Variants in DLG2 observed in about 807,000 individuals in gnomAD.
DLG2 encodes discs large MAGUK scaffold protein 2, also known as disks large homolog 2.
Under a neutral mutation model 132.5 loss-of-function variants are expected in DLG2, and 45 were observed. The observed-to-expected ratio is 0.34, with a 90% confidence interval of 0.27 to 0.44. The LOEUF (loss-of-function observed/expected upper bound fraction) is 0.44. Ranked by LOEUF, DLG2 falls within the 20% of genes least tolerant of loss-of-function variation. The pLI is 1.00. For synonymous variants in DLG2, 424 were observed against 419.6 expected (o/e 1.01, Z -0.13); for missense variants, 1,045 against 1,196.9 (o/e 0.87, Z 1.87).
chr11:84,126,181 T>C (rs2094162683), intron 9 of DLG2, among the ~76,000 whole-genome samples: 1 of 152,078 alleles, frequency 6.6e-6, no homozygotes, highest in Non-Finnish European at 1.5e-5. Flanking sequence ...GATGAAGAAA[T>C]GGAGGCAGCA....
At chr11:85,396,156 T>G (rs964312382) in intron 3 of DLG2, among the ~76,000 whole-genome samples, 1 of 151,952 alleles carries the variant, frequency 6.6e-6, no homozygotes, top group Non-Finnish European at 1.5e-5. Flanking sequence ...TACAGCAAAC[T>G]CCAACAGACC....
chr11:84,193,003 A>ATTTTATATTCATGGAATAGTGAT lies in DLG2; in HGVS notation c.574-29515_574-29493dup, dbSNP rs1411327451. 9.9e-5 allele frequency among the ~76,000 whole-genome samples: 15 copies of ATTTTATATTCATGGAATAGTGAT among 152,274 alleles called. No individual in the cohort carries two copies. In the East Asian group the frequency reaches 2.9e-3, roughly 29 times the overall value. On this transcript the variant is annotated intron_variant, in intron 8 of 27. Coordinates refer to ENST00000376104, the MANE Select transcript of DLG2 (RefSeq NM_001142699.3). Reference sequence around the variant, plus strand: ...CTTTAAAATTAAAAAAAATTAGTGAATTTTATATTCATGGAATAGTGATTT... The same window carrying ATTTTATATTCATGGAATAGTGAT: ...CTTTAAAATTAAAAAAAATTAGTGAATTTTATATTCATGGAATAGTGATTTTTATATTCATGGAATAGTGATTT...
intron 3 of DLG2, among the ~76,000 whole-genome samples, chr11:85,531,437 T>TCTG (rs1249571873): frequency 3.3e-5 from 5 of 152,242 alleles, no homozygotes; most frequent in Non-Finnish European, 7.3e-5. Flanking sequence ...TGTTTTTATA[T>TCTG]CTGCTTTGTG....
chr11:83,898,802 A>T, intron 15 of DLG2, among the ~76,000 whole-genome samples: 1 of 152,214 alleles, frequency 6.6e-6, no homozygotes, highest in Non-Finnish European at 1.5e-5. Flanking sequence ...TTTATAGACT[A>T]ATAACAAGGT....
chr11:83,993,494 A>C (rs2093840831), intron 11 of DLG2, among the ~76,000 whole-genome samples: 1 of 152,176 alleles, frequency 6.6e-6, no homozygotes, highest in Admixed American at 6.6e-5. Context: ...AATGACAGAC[A>C]CAATTACATT....
intron 12 of DLG2, among the ~76,000 whole-genome samples, chr11:83,970,749 T>A (rs1432717673): frequency 2.6e-5 from 4 of 152,216 alleles, no homozygotes; most frequent in African/African-American, 9.6e-5. Context: ...CAGTTCTTAA[T>A]GTTAGCTCTT....
In DLG2 at chr11:83,455,913, T is replaced by C. The variant is rs1366646467; in HGVS notation, c.*3905A>G. 6 of 152,446 alleles carry C rather than the reference T, an allele frequency of 3.9e-5. No homozygotes were observed. The highest frequency in any genetic ancestry group is 1.4e-4 in the African/African-American group (6 of 41,422). 9.4% of individuals were successfully genotyped at this position (152,446 alleles called of 1,614,324 possible). A position where few individuals can be genotyped will look rare whatever the true frequency, so the allele number is the denominator to read the frequency against. On this transcript the variant is annotated 3_prime_UTR_variant, in exon 28 of 28. Coordinates refer to ENST00000376104, the MANE Select transcript of DLG2 (RefSeq NM_001142699.3). ...AATTAGCCTGAGTCCTTGGCTTAAA[T>C]ATATTTGTAGGAATTTAGGCAGGAC...
chr11:85,028,058 G>T (rs957530253), intron 6 of DLG2, among the ~76,000 whole-genome samples: 1 of 152,236 alleles, frequency 6.6e-6, no homozygotes, highest in African/African-American at 2.4e-5. Context: ...AGAGGCAGAA[G>T]AGCCGAAGTG....
At position 83,524,505 on chromosome 11, in the gene DLG2, T is replaced by C. The variant is rs111737092; in HGVS notation, c.2193+8203A>G. 5.5e-3 allele frequency among the ~76,000 whole-genome samples: 837 copies of C among 152,270 alleles called. 5 individuals carry two copies. The highest frequency in any genetic ancestry group is 8.5e-3 in the Non-Finnish European group (577 of 68,018). Reference sequence around the variant, plus strand: ...ATGGTCCTGGGTCAGGTCTTTTCCATGTCTTACCTGAATTACTGAAATGGA... The same window carrying C: ...ATGGTCCTGGGTCAGGTCTTTTCCACGTCTTACCTGAATTACTGAAATGGA... On this transcript the variant is annotated intron_variant, in intron 21 of 27. Transcript: ENST00000376104.
chr11:84,362,557 G>T (rs553308597), intron 7 of DLG2, among the ~76,000 whole-genome samples: 1 of 150,968 alleles, frequency 6.6e-6, no homozygotes, highest in Non-Finnish European at 1.5e-5. Flanking sequence ...TGTGCACAAT[G>T]TGCAGGTTAG....
At chr11:83,724,961 C>T (rs2089701450) in intron 18 of DLG2, 2 of 701,756 alleles carry the variant, frequency 2.8e-6, no homozygotes, top group African/African-American at 3.5e-5. Context: ...TGTATAAACT[C>T]CGCCTGGCCA....
intron 6 of DLG2, among the ~76,000 whole-genome samples, chr11:84,995,081 T>C (rs2057504288): frequency 6.6e-6 from 1 of 152,210 alleles, no homozygotes; most frequent in Non-Finnish European, 1.5e-5. Context: ...CCTTCACTTA[T>C]TCCAGTTTGA....
At chr11:85,037,052 A>G (rs1400323325) in intron 6 of DLG2, among the ~76,000 whole-genome samples, 3 of 152,236 alleles carry the variant, frequency 2.0e-5, no homozygotes, top group Non-Finnish European at 4.4e-5. Flanking sequence ...CACGTGGTGC[A>G]GCCTGCCAGC....
chr11:85,583,130 G>GTGTGTATATATA lies in DLG2; in HGVS notation c.40+15526_40+15527insTATATATACACA, dbSNP rs1555190569. ...TGTGTGTGTGTGTGTGTGTGTGTGTGTATATATATATATATATATATATAT... is the reference window on the plus strand; with the variant it reads ...TGTGTGTGTGTGTGTGTGTGTGTGTGTGTGTATATATATATATATATATATATATATATATAT... On this transcript the variant is annotated intron_variant, in intron 3 of 27. Coordinates refer to ENST00000376104, the MANE Select transcript of DLG2 (RefSeq NM_001142699.3). Among the ~76,000 whole-genome samples, 42 of 13,588 alleles carry GTGTGTATATATA rather than the reference G, an allele frequency of 3.1e-3. 1 individual carries two copies. Among genetic ancestry groups the GTGTGTATATATA allele is most frequent in the Non-Finnish European group, 4.9e-3 (31 of 6,324 alleles). The allele number at this position is 13,588 out of a possible 152,430, so 8.9% of individuals were successfully genotyped here. A position where few individuals can be genotyped will look rare whatever the true frequency, so the allele number is the denominator to read the frequency against.
chr11:83,889,594 C>G (rs1181946258), intron 15 of DLG2, among the ~76,000 whole-genome samples: 9 of 152,148 alleles, frequency 5.9e-5, no homozygotes, highest in Admixed American at 1.3e-4. Context: ...TTTGACCCAG[C>G]CATCCCATTA....
chr11:84,089,000 G>T (rs1020336910), intron 10 of DLG2, among the ~76,000 whole-genome samples: 1 of 152,180 alleles, frequency 6.6e-6, no homozygotes, highest in African/African-American at 2.4e-5. Context: ...CATTTACCAT[G>T]ATCATAGTCA....
At chr11:84,554,543 T>C (rs977887059) in intron 6 of DLG2, among the ~76,000 whole-genome samples, 5 of 151,958 alleles carry the variant, frequency 3.3e-5, no homozygotes, top group African/African-American at 1.2e-4. Context: ...GGTCGGGAGT[T>C]CAAGACCAGC....
chr11:85,505,436 G>A (rs574583605), intron 3 of DLG2, among the ~76,000 whole-genome samples: 1 of 152,254 alleles, frequency 6.6e-6, no homozygotes, highest in Non-Finnish European at 1.5e-5. Flanking sequence ...ATGAAGGGCT[G>A]TTGAATTTTG....
chr11:84,287,495 C>G (rs117480459), intron 7 of DLG2, among the ~76,000 whole-genome samples: 1 of 152,086 alleles, frequency 6.6e-6, no homozygotes, highest in Non-Finnish European at 1.5e-5. Context: ...TAAGACTTGT[C>G]TTAACACTTT....
Sources: allele counts gnomAD v4.1 joint callset (sites outside exome capture counted in the v4.1 genomes callset), GRCh38; gene constraint gnomAD v4.1.1; transcripts MANE v1.5; gene names NCBI Gene and HGNC (gene_info 2026-07-23, HGNC 2026-07-21).